Variants in COL1A2 observed in about 807,000 individuals in gnomAD.
COL1A2 encodes collagen alpha-2(I) chain.
COL1A2 carries 49 observed loss-of-function variants against 174.3 expected under a neutral mutation model. That is an observed-to-expected ratio of 0.28 (90% confidence interval 0.22 to 0.36). The LOEUF is 0.36. COL1A2 is among the 10% of genes least tolerant of loss of function. The probability of loss-of-function intolerance (pLI) is 1.00; values close to 1 mark genes in which losing one functional copy is unlikely to be tolerated. For synonymous variants in COL1A2, 655 were observed against 606.6 expected (o/e 1.08, Z -1.17); for missense variants, 1,438 against 1,822.7 (o/e 0.79, Z 3.84).
intron 19 of COL1A2, 89 bp from the exon 20 acceptor site, chr7:94,410,153 C>T: frequency 1.5e-6 from 2 of 1,371,478 alleles, no homozygotes; most frequent in Non-Finnish European, 1.0e-6. Flanking sequence ...TTCTCTTTAC[C>T]TTGACCCACA....
At chr7:94,429,522 G>A (rs1357065523) in intron 51 of COL1A2, 92 bp downstream of exon 51, 49 of 1,386,380 alleles carry the variant, frequency 3.5e-5, no homozygotes, top group Non-Finnish European at 8.1e-6. Context: ...CTAAAGGGGG[G>A]TTAAAAGAAC....
intron 3 of COL1A2, 97 bp downstream of exon 3, chr7:94,398,493 CA>C (rs1791625400): frequency 4.0e-6 from 2 of 499,054 alleles, no homozygotes; most frequent in South Asian, 3.2e-5. Flanking sequence ...AATACTTTAT[CA>C]AAATTTTGTT....
rs938787225 is a variant in COL1A2, at chr7:94,410,090, C to A, written c.1036-152C>A. On this transcript the variant is annotated intron_variant, in intron 19 of 51. Coordinates refer to ENST00000297268, the MANE Select transcript of COL1A2 (RefSeq NM_000089.4). ...TGTCCCTTCGACCAATAATACCATT[C>A]CCCTGTACTCAATTTAAATATGAAC... 2.6e-4 allele frequency: 224 copies of A among 845,916 alleles called. 2 individuals carry two copies. The highest frequency in any genetic ancestry group is 5.1e-5 in the Non-Finnish European group (26 of 509,690). The allele number at this position is 845,916 out of a possible 1,614,324, so 52.4% of individuals were successfully genotyped here. A position where few individuals can be genotyped will look rare whatever the true frequency, so the allele number is the denominator to read the frequency against.
At chr7:94,420,351 A>T in intron 35 of COL1A2, 40 bp from the exon 36 acceptor site, 1 of 1,614,096 alleles carries the variant, frequency 6.2e-7, no homozygotes, top group Non-Finnish European at 8.5e-7. Context: ...TGATGAACCT[A>T]GGATTGATAA....
Position 94,409,439 on chromosome 7 carries a change from T to TATTGAGTA in COL1A2, c.891+20_891+21insTTGAGTAA. ...ACCTCCTGTAAGTAGCCACTGTCTT[T>TATTGAGTA]AAACTTTATTGAGTAAAAGAAAACA... On this transcript the variant is annotated intron_variant, in intron 17 of 51. Coordinates refer to ENST00000297268, the MANE Select transcript of COL1A2 (RefSeq NM_000089.4). The TATTGAGTA allele has an allele frequency of 1.2e-6, 2 of 1,613,588 alleles. No homozygotes were observed. The highest frequency in any genetic ancestry group is 1.7e-6 in the Non-Finnish European group (2 of 1,179,506).
At chr7:94,422,883 T>G in intron 39 of COL1A2, 74 bp from the exon 40 acceptor site, 1 of 1,552,534 alleles carries the variant, frequency 6.4e-7, no homozygotes, top group Non-Finnish European at 8.9e-7. Flanking sequence ...TCTTAAGATC[T>G]AGAATCTTTG....
chr7:94,406,979 A>G (rs930757046), intron 12 of COL1A2, among the ~76,000 whole-genome samples: 4 of 152,242 alleles, frequency 2.6e-5, no homozygotes, highest in African/African-American at 9.6e-5. Flanking sequence ...GCTGCCACAC[A>G]AATGGATAAG....
chr7:94,427,539 G>T, intron 48 of COL1A2, 88 bp from the exon 49 acceptor site: 1 of 1,461,154 alleles, frequency 6.8e-7, no homozygotes. Flanking sequence ...ATGCTTCCGT[G>T]TGAAGCTCAA....
chr7:94,408,116 CAAA>C (rs1562900200), intron 13 of COL1A2, 64 bp from the exon 14 acceptor site: 122 of 1,536,704 alleles, frequency 7.9e-5, no homozygotes, highest in Non-Finnish European at 1.1e-4. Context: ...CTGAACAAAG[CAAA>C]TGATGCCTGT....
intron 3 of COL1A2, 87 bp from the exon 4 acceptor site, chr7:94,398,962 A>G (rs2115855815): frequency 1.5e-6 from 2 of 1,312,638 alleles, no homozygotes; most frequent in East Asian, 2.3e-5. Context: ...AGTCTTACCA[A>G]CTAATTATTA....
At chr7:94,420,485 A>C (rs1453846937) in intron 36 of COL1A2, 41 bp downstream of exon 36, 1 of 1,614,072 alleles carries the variant, frequency 6.2e-7, no homozygotes, top group Non-Finnish European at 8.5e-7. Flanking sequence ...AAACATCCTA[A>C]GTTGGGGAGT....
In COL1A2 at chr7:94,410,525, A is replaced by G. The variant is rs1213766484; in HGVS notation, c.1195A>G (p.Arg399Gly). ...SAGPPGPPGL[R>G]GSPGSRGLPG... is the part of the protein sequence containing the mutation. ...CGGCCCTCCAGGACCTCCTGGGCTG[A>G]GAGTAGGTTTCAAATGCTCCCAACA... The change falls in exon 21 of 52, where the codon AGA (arginine) becomes GGA (glycine). Residue 399 changes from arginine to glycine, a missense_variant and splice_region_variant. This residue lies in a region of COL1A2 where 867 missense variants were observed against 1,213.7 expected (regional missense o/e 0.71). Coordinates refer to ENST00000297268, the MANE Select transcript of COL1A2 (RefSeq NM_000089.4). The G allele has an allele frequency of 2.6e-6, 4 of 1,548,968 alleles. No homozygotes were observed. Among genetic ancestry groups the G allele is most frequent in the Non-Finnish European group, 2.6e-6 (3 of 1,146,448 alleles).
intron 1 of COL1A2, among the ~76,000 whole-genome samples, chr7:94,395,924 C>A (rs1376702167): frequency 6.6e-6 from 1 of 152,056 alleles, no homozygotes; most frequent in Non-Finnish European, 1.5e-5. Flanking sequence ...GACATGTTCC[C>A]AGTGATAAGC....
In COL1A2 at chr7:94,404,827, C is replaced by G; in HGVS notation, c.379-12C>G. 1 of 1,614,046 alleles carries G rather than the reference C, an allele frequency of 6.2e-7. No individual in the cohort carries two copies. Among genetic ancestry groups the G allele is most frequent in the Non-Finnish European group, 8.5e-7 (1 of 1,179,996 alleles). On this transcript the variant is annotated splice_polypyrimidine_tract_variant and intron_variant, in intron 8 of 51. Transcript: ENST00000297268. ...TAACCTTAGTGAAATGATGGGTCTC[C>G]CATTTTCTTAGGGTCCTGCAGGTGC... is the stretch of plus-strand genomic sequence containing the variant.
In COL1A2 at chr7:94,426,013, G is replaced by A. The variant is rs752207083; in HGVS notation, c.2959G>A (p.Val987Ile). The A allele has an allele frequency of 8.1e-6, 13 of 1,614,040 alleles. No individual in the cohort carries two copies. In the East Asian group the frequency reaches 2.2e-4, roughly 28 times the overall value. Residue 987 changes from valine to isoleucine, a missense_variant, in exon 45 of 52, where the codon GTT becomes ATT. This residue lies in a region of COL1A2 where 867 missense variants were observed against 1,213.7 expected (regional missense o/e 0.71). Transcript: ENST00000297268. ...NRGETGPSGP[V>I]GPAGAVGPRG... ...CATTTCACAGGGTCCTTCTGGTCCT[G>A]TTGGTCCTGCTGGTGCTGTTGGCCC...
chr7:94,423,097 C>A lies in COL1A2; in HGVS notation c.2544C>A (p.Pro848=), dbSNP rs572488284. 1 of 1,614,154 alleles carries A rather than the reference C, an allele frequency of 6.2e-7. No individual in the cohort carries two copies. Among genetic ancestry groups the A allele is most frequent in the East Asian group, 2.2e-5 (1 of 44,882 alleles). The change falls in exon 40 of 52, where the codon CCC becomes CCA. Residue 848 remains proline, a synonymous_variant. Coordinates refer to ENST00000297268, the MANE Select transcript of COL1A2 (RefSeq NM_000089.4). ...CTGGCTTCGCTGGTGAGAAGGGTCCCTCTGGAGAGGCTGGTACTGCTGTAA... is the reference window on the plus strand; with the variant it reads ...CTGGCTTCGCTGGTGAGAAGGGTCCATCTGGAGAGGCTGGTACTGCTGTAA... ...GPPGFAGEKG[P]SGEAGTAGPP...
At chr7:94,404,955 T>C (rs1791765242) in intron 9 of COL1A2, 63 bp downstream of exon 9, 1 of 1,576,790 alleles carries the variant, frequency 6.3e-7, no homozygotes, top group Non-Finnish European at 8.7e-7. Context: ...CAACAAGATT[T>C]TCTAGATTCA....
intron 6 of COL1A2, among the ~76,000 whole-genome samples, chr7:94,402,421 G>A (rs970764144): frequency 2.0e-5 from 3 of 152,010 alleles, no homozygotes; most frequent in Non-Finnish European, 4.4e-5. Context: ...ATAGAAGAGA[G>A]TATGAGTAAA....
Position 94,428,832 on chromosome 7 carries a change from A to T in COL1A2, c.3711+355A>T, listed in dbSNP as rs540661715. On this transcript the variant is annotated intron_variant, in intron 50 of 51. Coordinates refer to ENST00000297268, the MANE Select transcript of COL1A2 (RefSeq NM_000089.4). Reference sequence around the variant, plus strand: ...TTAATCAAACCTTTTCACCAACTTTACTGAATGCCTACTGGAATTCCATAA... The same window carrying T: ...TTAATCAAACCTTTTCACCAACTTTTCTGAATGCCTACTGGAATTCCATAA... Among the ~76,000 whole-genome samples the T allele has an allele frequency of 7.9e-5, 12 of 152,366 alleles. 1 individual carries two copies. Among genetic ancestry groups the T allele is most frequent in the African/African-American group, 2.9e-4 (12 of 41,604 alleles).
Sources: gnomAD v4.1 joint callset for allele counts (sites outside exome capture counted in the v4.1 genomes callset) on GRCh38, gnomAD v4.1.1 for gene constraint, gnomAD v4.1.1 regional missense constraint, MANE v1.5 for transcripts, NCBI Gene and HGNC (gene_info 2026-07-23, HGNC 2026-07-21) for gene names.